NRXN3: variants seen among roughly 807,000 people sequenced by gnomAD.
The protein encoded by NRXN3 is neurexin 3.
In NRXN3, 32 loss-of-function variants were observed where a neutral mutation model predicts 137.6. The ratio of observed to expected loss-of-function variants is 0.23; its 90% confidence interval spans 0.18 to 0.31. The LOEUF is 0.31. Among genes scored for constraint, NRXN3 ranks in the 10% least tolerant of loss-of-function variants. The probability of loss-of-function intolerance (pLI) is 1.00; values close to 1 mark genes in which losing one functional copy is unlikely to be tolerated. For missense variants in NRXN3, 1,574 were observed against 2,062.5 expected (o/e 0.76, Z 4.59); for synonymous variants, 798 against 784.5 (o/e 1.02, Z -0.29).
intron 10 of NRXN3, among the ~76,000 whole-genome samples, chr14:78,900,016 G>A (rs936065946): frequency 2.0e-5 from 3 of 151,738 alleles, no homozygotes; most frequent in South Asian, 4.1e-4. Context: ...TCAATAATTG[G>A]CATTTTCTAT....
chr14:79,361,775 A>T (rs936244751), intron 15 of NRXN3, among the ~76,000 whole-genome samples: 3 of 152,090 alleles, frequency 2.0e-5, no homozygotes, highest in African/African-American at 7.2e-5. Flanking sequence ...TCGATTGATG[A>T]CGTTGAGAGC....
At chr14:78,506,922 G>A (rs2096006299) in intron 4 of NRXN3, among the ~76,000 whole-genome samples, 1 of 151,898 alleles carries the variant, frequency 6.6e-6, no homozygotes, top group Non-Finnish European at 1.5e-5. Context: ...GTGTGTTTTT[G>A]GAGAAATATC....
At chr14:79,207,373 CA>C (rs1490192845) in intron 15 of NRXN3, among the ~76,000 whole-genome samples, 2 of 152,074 alleles carry the variant, frequency 1.3e-5, no homozygotes, top group Non-Finnish European at 2.9e-5. Flanking sequence ...TAGAGAAAAC[CA>C]AAAGTGCACA....
intron 4 of NRXN3, among the ~76,000 whole-genome samples, chr14:78,593,130 C>T (rs951602822): frequency 5.3e-5 from 8 of 152,148 alleles, no homozygotes; most frequent in South Asian, 2.1e-4. Context: ...TGCACACACG[C>T]GGCACATCTG....
intron 4 of NRXN3, among the ~76,000 whole-genome samples, chr14:78,322,274 A>G (rs1346304473): frequency 1.3e-5 from 2 of 152,018 alleles, no homozygotes; most frequent in Non-Finnish European, 2.9e-5. Context: ...GATGTTAGGA[A>G]AAGGGGCAAA....
intron 15 of NRXN3, among the ~76,000 whole-genome samples, chr14:79,126,302 T>A (rs960246092): frequency 1.3e-5 from 2 of 151,878 alleles, no homozygotes; most frequent in South Asian, 4.2e-4. Flanking sequence ...ATTAGGTATA[T>A]CTCCCAATGC....
chr14:79,759,304 T>A (rs2099030387), intron 19 of NRXN3, among the ~76,000 whole-genome samples: 1 of 151,758 alleles, frequency 6.6e-6, no homozygotes, highest in Non-Finnish European at 1.5e-5. Flanking sequence ...AATACTTCAT[T>A]ACTGACAGTG....
At chr14:78,533,078 C>A (rs751371852) in intron 4 of NRXN3, among the ~76,000 whole-genome samples, 3 of 148,508 alleles carry the variant, frequency 2.0e-5, no homozygotes, top group Non-Finnish European at 3.0e-5. Flanking sequence ...CAACTGATAT[C>A]TCTCTCTCTC....
chr14:78,777,903 T>C (rs2153015648), intron 8 of NRXN3, among the ~76,000 whole-genome samples: 1 of 152,216 alleles, frequency 6.6e-6, no homozygotes, highest in African/African-American at 2.4e-5. Context: ...ACTGGAACTA[T>C]AGGTGCATGC....
chr14:78,220,432 GAGA>G (rs1273464671), intron 1 of NRXN3, among the ~76,000 whole-genome samples: 1 of 152,180 alleles, frequency 6.6e-6, no homozygotes, highest in Non-Finnish European at 1.5e-5. Context: ...GGTGGGAACT[GAGA>G]AGAAGCTCTG....
chr14:78,977,605 G>T (rs1364959053), intron 14 of NRXN3, among the ~76,000 whole-genome samples: 1 of 152,136 alleles, frequency 6.6e-6, no homozygotes, highest in Admixed American at 6.5e-5. Flanking sequence ...GAGGAAGAAG[G>T]CTTCATGCTA....
At chr14:79,515,961 C>T (rs1262568694) in intron 16 of NRXN3, among the ~76,000 whole-genome samples, 4 of 152,120 alleles carry the variant, frequency 2.6e-5, no homozygotes, top group Non-Finnish European at 4.4e-5. Context: ...CTAAAGGAAG[C>T]TTGGCTAAGA....
At chr14:79,265,174 A>C (rs925679686) in intron 15 of NRXN3, among the ~76,000 whole-genome samples, 1 of 151,146 alleles carries the variant, frequency 6.6e-6, no homozygotes, top group Non-Finnish European at 1.5e-5. Flanking sequence ...CATAAATCAA[A>C]CAACCAAAAA....
At chr14:79,719,337 GTATA>G (rs2154060636) in intron 19 of NRXN3, among the ~76,000 whole-genome samples, 1 of 120,606 alleles carries the variant, frequency 8.3e-6, no homozygotes, top group South Asian at 2.7e-4. Flanking sequence ...GTATATATAT[GTATA>G]TATACACATA....
At chr14:78,626,459 A>G (rs773518429) in intron 4 of NRXN3, among the ~76,000 whole-genome samples, 3 of 152,238 alleles carry the variant, frequency 2.0e-5, no homozygotes, top group African/African-American at 4.8e-5. Flanking sequence ...CCTTCAAAAT[A>G]CATATAAAGA....
chr14:78,501,213 C>T (rs1037203704), intron 4 of NRXN3, among the ~76,000 whole-genome samples: 3 of 152,146 alleles, frequency 2.0e-5, no homozygotes, highest in South Asian at 2.1e-4. Flanking sequence ...ACCCTTGCTG[C>T]GTCCTGTAAC....
At chr14:78,486,130 T>C (rs989714493) in intron 4 of NRXN3, among the ~76,000 whole-genome samples, 5 of 152,180 alleles carry the variant, frequency 3.3e-5, no homozygotes, top group African/African-American at 9.7e-5. Context: ...GCAATAGGCT[T>C]ATGGTGGTAC....
chr14:79,011,530 A>G (rs2099571345), intron 15 of NRXN3, among the ~76,000 whole-genome samples: 1 of 152,054 alleles, frequency 6.6e-6, no homozygotes, highest in East Asian at 1.9e-4. Flanking sequence ...GTTGATAACA[A>G]AGATAATTAA....
At chr14:78,224,827 C>T (rs1277031416) in intron 1 of NRXN3, among the ~76,000 whole-genome samples, 13 of 119,980 alleles carry the variant, frequency 1.1e-4, no homozygotes, top group Admixed American at 7.4e-4. Flanking sequence ...ACTGCAGTGG[C>T]GCAATCTCGG....
Sources: gnomAD v4.1 joint callset for allele counts (sites outside exome capture counted in the v4.1 genomes callset) on GRCh38, gnomAD v4.1.1 for gene constraint, MANE v1.5 for transcripts, NCBI Gene and HGNC (gene_info 2026-07-23, HGNC 2026-07-21) for gene names.